RIT1: variants seen among roughly 807,000 people sequenced by gnomAD.
The protein encoded by RIT1 is GTP-binding protein Rit1.
RIT1 carries 6 observed loss-of-function variants against 25.6 expected under a neutral mutation model. The ratio of observed to expected loss-of-function variants is 0.23; its 90% CI spans 0.13 to 0.46. RIT1 has a LOEUF of 0.46. RIT1 is among the 20% of genes least tolerant of loss of function. The probability of loss-of-function intolerance (pLI) is 0.99; values close to 1 mark genes in which losing one functional copy is unlikely to be tolerated. For missense variants in RIT1, 219 were observed against 284.4 expected (o/e 0.77, Z 1.65); for synonymous variants, 81 against 94.1 (o/e 0.86, Z 0.80).
intron 5 of RIT1, 37 bp downstream of exon 5, chr1:155,904,274 A>C (rs768732106): frequency 7.1e-7 from 1 of 1,418,106 alleles, no homozygotes; most frequent in South Asian, 1.2e-5. Flanking sequence ...GACTAATTGT[A>C]TAAGATTATA....
rs370084945 is a variant in RIT1, at chr1:155,900,247, A to G, written c.*141T>C. On this transcript the variant is annotated 3_prime_UTR_variant, in exon 6 of 6. Transcript: ENST00000368323. Reference sequence around the variant, plus strand: ...TTAACTAAGAGACAATACTTTAAATACCACATCATTAAAAACTCCTAGTAG... The same window carrying G: ...TTAACTAAGAGACAATACTTTAAATGCCACATCATTAAAAACTCCTAGTAG... 7.7e-5 allele frequency: 50 copies of G among 653,008 alleles called. No individual in the cohort carries two copies. In the East Asian group the frequency reaches 1.2e-3, roughly 15 times the overall value. 40.5% of individuals were successfully genotyped at this position (653,008 alleles called of 1,614,324 possible).
chr1:155,907,186 ATACAC>A (rs1261266666), intron 3 of RIT1, among the ~76,000 whole-genome samples: 1 of 78,622 alleles, frequency 1.3e-5, no homozygotes, highest in Non-Finnish European at 2.6e-5. Flanking sequence ...TTAGCTACAC[ATACAC>A]ATGCGCTTGT....
rs1056994080 is a variant in RIT1, at chr1:155,900,282, T to A, written c.*106A>T. ...TAAAAACTCCTAGTAGGCATGTCCC[T>A]CTTATCAGTTAAGTGAAAGAGCAAG... is the stretch of plus-strand genomic sequence containing the variant. On this transcript the variant is annotated 3_prime_UTR_variant, in exon 6 of 6. Transcript: ENST00000368323. 1.3e-6 allele frequency: 1 copy of A among 765,778 alleles called. No homozygotes were observed. Among genetic ancestry groups the A allele is most frequent in the Non-Finnish European group, 2.2e-6 (1 of 454,138 alleles). 47.4% of individuals were successfully genotyped at this position (765,778 alleles called of 1,614,324 possible).
Position 155,899,020 on chromosome 1 carries a change from ACTTAATATT to A in RIT1, c.*1359_*1367del, listed in dbSNP as rs1340813507. On this transcript the variant is annotated 3_prime_UTR_variant, in exon 6 of 6. Transcript: ENST00000368323. ...TCAACACAAACATTGCTTCAGTGAC[ACTTAATATT>A]CAATACATGATGCATTACTCTTAGC... 22 of 211,052 alleles carry A rather than the reference ACTTAATATT, an allele frequency of 1.0e-4. No homozygotes were observed. The East Asian group carries it at 1.3e-3, about 12-fold the overall frequency. 13.1% of individuals were successfully genotyped at this position (211,052 alleles called of 1,614,324 possible). A position where few individuals can be genotyped will look rare whatever the true frequency, so the allele number is the denominator to read the frequency against.
chr1:155,908,688 CA>C (rs1253273155), intron 3 of RIT1, among the ~76,000 whole-genome samples: 4 of 150,728 alleles, frequency 2.7e-5, no homozygotes, highest in Non-Finnish European at 4.4e-5. Context: ...TCAGCCCCCG[CA>C]GTAGCTGGGA....
At position 155,904,444 on chromosome 1, in the gene RIT1, CAG is replaced by C. The variant is rs1337644755; in HGVS notation, c.294_295del (p.Ile98MetfsTer12). ...ACTTCGACGATCCGTGATAGAGTAA[CAG>C]ATGATAAACCCTTCTCCTGCCCTCA... is the stretch of plus-strand genomic sequence containing the variant. On this transcript the variant is annotated frameshift_variant, in exon 5 of 6. Transcript: ENST00000368323. LOFTEE classifies it high-confidence loss of function. The C allele has an allele frequency of 6.2e-7, 1 of 1,614,138 alleles. No homozygotes were observed. Among genetic ancestry groups the C allele is most frequent in the Admixed American group, 1.7e-5 (1 of 60,006 alleles).
At position 155,900,477 on chromosome 1, in the gene RIT1, G is replaced by A. The variant is rs772993915; in HGVS notation, c.571C>T (p.Leu191=). ...GGCTTAGATTTTTTCTCCATGGCCAGTACTGCCTCCTTTTCTTTCCTACGT... is the reference window on the plus strand; with the variant it reads ...GGCTTAGATTTTTTCTCCATGGCCAATACTGCCTCCTTTTCTTTCCTACGT... ...EIRRKEKEAV[L]AMEKKSKPKN... The change falls in exon 6 of 6, where the codon CTG becomes TTG. Residue 191 remains leucine, a synonymous_variant. Coordinates refer to ENST00000368323, the MANE Select transcript of RIT1 (RefSeq NM_006912.6). The A allele has an allele frequency of 1.2e-6, 2 of 1,614,004 alleles. No individual in the cohort carries two copies. The highest frequency in any genetic ancestry group is 2.7e-5 in the African/African-American group (2 of 74,912).
intron 3 of RIT1, among the ~76,000 whole-genome samples, chr1:155,906,178 G>A (rs1673435646): frequency 6.6e-6 from 1 of 151,670 alleles, no homozygotes; most frequent in African/African-American, 2.4e-5. Flanking sequence ...TCTCTTTTCT[G>A]AAAGCAAATT....
intron 3 of RIT1, among the ~76,000 whole-genome samples, chr1:155,908,290 C>T (rs1388292640): frequency 6.6e-6 from 1 of 151,638 alleles, no homozygotes; most frequent in Admixed American, 6.6e-5. Flanking sequence ...CCTGTCTCTA[C>T]TAAAGGTACA....
rs1400858363 is a variant in RIT1, at chr1:155,910,771, G to A, written c.-10C>T. ...GAGTTCCAGAATCCATTGTCCTCTTGGGGCCTTCCTCGGTTGCCCCGAGGA... is the reference window on the plus strand; with the variant it reads ...GAGTTCCAGAATCCATTGTCCTCTTAGGGCCTTCCTCGGTTGCCCCGAGGA... On this transcript the variant is annotated 5_prime_UTR_variant, in exon 2 of 6. Transcript: ENST00000368323. 1.2e-6 allele frequency: 2 copies of A among 1,614,192 alleles called. No individual in the cohort carries two copies. Among genetic ancestry groups the A allele is most frequent in the Non-Finnish European group, 1.7e-6 (2 of 1,180,034 alleles).
chr1:155,908,809 C>G (rs994692117), intron 3 of RIT1, among the ~76,000 whole-genome samples: 3 of 151,756 alleles, frequency 2.0e-5, no homozygotes, highest in African/African-American at 4.8e-5. Context: ...GTGCTCCACC[C>G]GCCTCGACCT....
chr1:155,909,157 C>T (rs189882158), intron 3 of RIT1, among the ~76,000 whole-genome samples: 18 of 151,816 alleles, frequency 1.2e-4, no homozygotes, highest in African/African-American at 3.6e-4. Flanking sequence ...GGGCAGATCA[C>T]GAGGTCAGGA....
chr1:155,909,066 CAA>C (rs1201128869), intron 3 of RIT1, among the ~76,000 whole-genome samples: 1 of 151,938 alleles, frequency 6.6e-6, no homozygotes, highest in Non-Finnish European at 1.5e-5. Flanking sequence ...AGGATCATGG[CAA>C]AGAGTGTCAC....
intron 5 of RIT1, among the ~76,000 whole-genome samples, chr1:155,902,338 A>G (rs1673327725): frequency 6.6e-6 from 1 of 151,172 alleles, no homozygotes; most frequent in Non-Finnish European, 1.5e-5. Context: ...TATTAATAAT[A>G]AAGTTTAAAA....
At chr1:155,901,475 C>T (rs1673310644) in intron 5 of RIT1, among the ~76,000 whole-genome samples, 2 of 151,710 alleles carry the variant, frequency 1.3e-5, no homozygotes, top group African/African-American at 4.8e-5. Context: ...AACCCTGTCT[C>T]CACTTAAAAA....
chr1:155,910,594 C>T (rs925088704), intron 2 of RIT1, 62 bp downstream of exon 2: 11 of 1,601,244 alleles, frequency 6.9e-6, no homozygotes, highest in African/African-American at 1.3e-5. Context: ...TAGCAAGTAT[C>T]CCATCTGGTC....
In RIT1 at chr1:155,898,495, A is replaced by T. The variant is rs1393693520; in HGVS notation, c.*1893T>A. 3 of 19,586 alleles carry T rather than the reference A, an allele frequency of 1.5e-4. No individual in the cohort carries two copies. The highest frequency in any genetic ancestry group is 2.2e-3 in the Admixed American group (2 of 890). The allele number at this position is 19,586 out of a possible 1,614,324, so 1.2% of individuals were successfully genotyped here. ...ATAGTGAAACCTCATCTCTATTTAA[A>T]AAAAAAAAAAAAAAAAAAAAAAAAT... On this transcript the variant is annotated 3_prime_UTR_variant, in exon 6 of 6. Transcript: ENST00000368323.
chr1:155,900,127 A>G lies in RIT1; in HGVS notation c.*261T>C, dbSNP rs1673281571. 2.2e-6 allele frequency: 1 copy of G among 445,084 alleles called. No individual in the cohort carries two copies. The highest frequency in any genetic ancestry group is 3.4e-5 in the South Asian group (1 of 29,444). The allele number at this position is 445,084 out of a possible 1,614,324, so 27.6% of individuals were successfully genotyped here. A position where few individuals can be genotyped will look rare whatever the true frequency, so the allele number is the denominator to read the frequency against. On this transcript the variant is annotated 3_prime_UTR_variant, in exon 6 of 6. Transcript: ENST00000368323. ...CCTGGGTATAAACAAATTTACATTA[A>G]TTAATAGCGCAACAGAACCCAAAAC...
chr1:155,901,988 G>A (rs965874411), intron 5 of RIT1, among the ~76,000 whole-genome samples: 1 of 152,148 alleles, frequency 6.6e-6, no homozygotes, highest in Admixed American at 6.6e-5. Context: ...ATACAACCAT[G>A]AAACTGATCA....
Sources: gnomAD v4.1 joint callset for allele counts (sites outside exome capture counted in the v4.1 genomes callset) on GRCh38, gnomAD v4.1.1 for gene constraint, MANE v1.5 for transcripts, NCBI Gene and HGNC (gene_info 2026-07-23, HGNC 2026-07-21) for gene names.